PLA2G15: variants seen among roughly 807,000 people sequenced by gnomAD.
The protein encoded by PLA2G15 is lysosomal phospholipase A and acyltransferase.
In PLA2G15, 20 loss-of-function variants were observed where a neutral mutation model predicts 40.9. The observed-to-expected ratio is 0.49, with a 90% confidence interval of 0.34 to 0.71. The LOEUF is 0.71. Ranked by LOEUF, PLA2G15 falls within the 30% of genes least tolerant of loss-of-function variation. The pLI is 0.01. For synonymous variants in PLA2G15, 223 were observed against 228.2 expected, an observed-to-expected ratio of 0.98 and a Z score of 0.21; for missense variants, 471 against 541.9, an observed-to-expected ratio of 0.87 and a Z score of 1.30.
intron 5 of PLA2G15, among the ~76,000 whole-genome samples, chr16:68,257,830 A>G (rs78783407): frequency 6.6e-6 from 1 of 152,048 alleles, no homozygotes. Flanking sequence ...CCCCTTTCAG[A>G]GTTTCTCTGT....
chr16:68,259,235 A>G lies in PLA2G15; in HGVS notation c.817A>G (p.Asn273Asp). ...AVSTSWLLPY[N>D]YTWSPEKVFV... ...CTCCACCAGCTGGCTGCTGCCCTAC[A>G]ACTACACATGGTCACCTGAGAAGGT... Residue 273 changes from asparagine to aspartate, a missense_variant, in exon 6 of 6, where the codon AAC becomes GAC. Physicochemically the swap from Asn to Asp is conservative, Grantham distance 23. Transcript: ENST00000219345. The surrounding 1 kb of genome is among the most constrained non-coding windows in gnomAD (Gnocchi z 6.5). The G allele has an allele frequency of 6.2e-7, 1 of 1,613,930 alleles. No individual in the cohort carries two copies. Among genetic ancestry groups the G allele is most frequent in the Non-Finnish European group, 8.5e-7 (1 of 1,180,030 alleles).
At chr16:68,249,575 C>A in intron 2 of PLA2G15, 129 bp downstream of exon 2, 1 of 793,438 alleles carries the variant, frequency 1.3e-6, no homozygotes, top group Non-Finnish European at 2.0e-6. Flanking sequence ...TCGGTCTGGT[C>A]TGGTCTGGTC....
Position 68,245,394 on chromosome 16 carries a change from T to A in PLA2G15, c.-33T>A. On this transcript the variant is annotated 5_prime_UTR_variant, in exon 1 of 6. Transcript: ENST00000219345. ...AGGCGAGAGCCCAGAGAGCTGAACCTGCATCCCGGACCTGCGGCGACCGTC... is the reference window on the plus strand; with the variant it reads ...AGGCGAGAGCCCAGAGAGCTGAACCAGCATCCCGGACCTGCGGCGACCGTC... 1 of 1,597,620 alleles carries A rather than the reference T, an allele frequency of 6.3e-7. No individual in the cohort carries two copies. Among genetic ancestry groups the A allele is most frequent in the Non-Finnish European group, 8.5e-7 (1 of 1,177,286 alleles).
intron 1 of PLA2G15, 24 bp from the exon 2 acceptor site, chr16:68,249,266 A>T (rs777269479): frequency 1.2e-6 from 2 of 1,611,122 alleles, no homozygotes; most frequent in Non-Finnish European, 1.7e-6. Context: ...CTGAGGGCTC[A>T]CACATGTCCT....
chr16:68,257,439 G>A (rs1259181730), intron 5 of PLA2G15, among the ~76,000 whole-genome samples: 1 of 152,184 alleles, frequency 6.6e-6, no homozygotes. Flanking sequence ...TGCTTGCCTG[G>A]CAATTGGGAA....
Position 68,245,406 on chromosome 16 carries a change from CT to C in PLA2G15, c.-20del, listed in dbSNP as rs371711413. ...AGAGAGCTGAACCTGCATCCCGGAC[CT>C]GCGGCGACCGTCGTACACCATGGGC... On this transcript the variant is annotated 5_prime_UTR_variant, in exon 1 of 6. Coordinates refer to ENST00000219345, the MANE Select transcript of PLA2G15 (RefSeq NM_012320.4). 4 of 1,600,960 alleles carry C rather than the reference CT, an allele frequency of 2.5e-6. No homozygotes were observed. The African/African-American group carries it at 5.3e-5, about 21-fold the overall frequency.
At chr16:68,247,630 G>A (rs2042319937) in intron 1 of PLA2G15, among the ~76,000 whole-genome samples, 1 of 152,210 alleles carries the variant, frequency 6.6e-6, no homozygotes, top group Non-Finnish European at 1.5e-5. Flanking sequence ...GTCATCCAGA[G>A]GCTGTCATGA....
At chr16:68,253,606 C>T (rs916264634) in intron 2 of PLA2G15, 22 of 297,660 alleles carry the variant, frequency 7.4e-5, no homozygotes, top group African/African-American at 3.6e-4. Context: ...AACTCCTAAC[C>T]TCAAGTGATC....
intron 2 of PLA2G15, chr16:68,253,472 C>G (rs1383196472): frequency 2.3e-6 from 1 of 434,844 alleles, no homozygotes; most frequent in Non-Finnish European, 4.6e-6. Context: ...GCCTCCCAGG[C>G]TCAAGCACTT....
In PLA2G15 at chr16:68,249,371, A is replaced by G. The variant is rs749484459; in HGVS notation, c.209A>G (p.Glu70Gly). The G allele has an allele frequency of 6.2e-7, 1 of 1,614,044 alleles. No individual in the cohort carries two copies. Among genetic ancestry groups the G allele is most frequent in the Non-Finnish European group, 8.5e-7 (1 of 1,180,008 alleles). The change falls in exon 2 of 6, where the codon GAA becomes GGA. Residue 70 changes from glutamate to glycine, a missense_variant. Transcript: ENST00000219345. ...VVHYLCSKKT[E>G]SYFTIWLNLE... ...CACTACCTCTGCTCCAAGAAGACCG[A>G]AAGCTACTTCACAATCTGGCTGAAC...
At chr16:68,251,905 C>T (rs1182868867) in intron 2 of PLA2G15, among the ~76,000 whole-genome samples, 1 of 151,856 alleles carries the variant, frequency 6.6e-6, no homozygotes, top group African/African-American at 2.4e-5. Flanking sequence ...GCTAGCTGCT[C>T]CTCCAGGTGC....
Position 68,245,562 on chromosome 16 carries a change from C to T in PLA2G15, c.127+9C>T, listed in dbSNP as rs753730571. 3.8e-5 allele frequency: 59 copies of T among 1,568,164 alleles called. No homozygotes were observed. Among genetic ancestry groups the T allele is most frequent in the African/African-American group, 1.2e-4 (9 of 73,730 alleles). On this transcript the variant is annotated intron_variant, in intron 1 of 5. Transcript: ENST00000219345. ...CCCCCCAGTGGTGCTGGGTGAGGCA[C>T]GGGTCTCGTGGTGGATCTGTCGGTC...
intron 2 of PLA2G15, chr16:68,253,531 T>A: frequency 2.6e-6 from 1 of 383,784 alleles, no homozygotes; most frequent in Non-Finnish European, 5.2e-6. Context: ...CACGTCACCA[T>A]GCCTGGTTAA....
chr16:68,250,482 A>T (rs2151202523), intron 2 of PLA2G15: 1 of 214,158 alleles, frequency 4.7e-6, no homozygotes, highest in Admixed American at 5.9e-5. Context: ...CGTGTTAACC[A>T]GGATGGTCTC....
At chr16:68,251,284 C>T (rs893027197) in intron 2 of PLA2G15, among the ~76,000 whole-genome samples, 7 of 152,122 alleles carry the variant, frequency 4.6e-5, no homozygotes, top group African/African-American at 1.4e-4. Flanking sequence ...GGCTGAGTTC[C>T]GTGAAGGGAG....
In PLA2G15 at chr16:68,255,174, T is replaced by C; in HGVS notation, c.404-108T>C. Reference sequence around the variant, plus strand: ...TGATCAGCGTGGGCACAGAGCCCTGTAGCATTCTTCCAAGGACCTGCTAGC... The same window carrying C: ...TGATCAGCGTGGGCACAGAGCCCTGCAGCATTCTTCCAAGGACCTGCTAGC... On this transcript the variant is annotated intron_variant, in intron 3 of 5. Transcript: ENST00000219345. This position sits in a 1 kb window ranked among gnomAD's most constrained non-coding sequence, Gnocchi z 5.9. 1 of 1,002,096 alleles carries C rather than the reference T, an allele frequency of 1.0e-6. No homozygotes were observed. The highest frequency in any genetic ancestry group is 1.6e-6 in the Non-Finnish European group (1 of 633,802). 62.1% of individuals were successfully genotyped at this position (1,002,096 alleles called of 1,614,324 possible).
At chr16:68,252,292 G>A (rs1401655273) in intron 2 of PLA2G15, among the ~76,000 whole-genome samples, 1 of 152,182 alleles carries the variant, frequency 6.6e-6, no homozygotes, top group Non-Finnish European at 1.5e-5. Flanking sequence ...CAGTTGTGGG[G>A]ATCCTGTCAG....
rs2042398150 is a variant in PLA2G15, at chr16:68,255,950, C to T, written c.687C>T (p.Pro229=). The change falls in exon 5 of 6, where the codon CCC becomes CCT. Residue 229 remains proline, a synonymous_variant. Transcript: ENST00000219345. This position sits in a 1 kb window ranked among gnomAD's most constrained non-coding sequence, Gnocchi z 5.9. The part of the protein sequence containing the change: ...YIRAFVSLGA[P]WGGVAKTLRV... Reference sequence around the variant, plus strand: ...GGGCCTTCGTGTCACTGGGTGCGCCCTGGGGGGGCGTGGCCAAGACCCTGC... The same window carrying T: ...GGGCCTTCGTGTCACTGGGTGCGCCTTGGGGGGGCGTGGCCAAGACCCTGC... 6.2e-7 allele frequency: 1 copy of T among 1,611,924 alleles called. No homozygotes were observed. Among genetic ancestry groups the T allele is most frequent in the African/African-American group, 1.3e-5 (1 of 75,008 alleles).
rs1596952120 is a variant in PLA2G15 at position 68,259,075 on chromosome 16, C to T, written c.728-71C>T. On this transcript the variant is annotated intron_variant, in intron 5 of 5. Transcript: ENST00000219345. The surrounding 1 kb of genome is among the most constrained non-coding windows in gnomAD (Gnocchi z 6.5). ...CCCCTGGCTGGGGTCTGGCAGGGGC[C>T]TGGTGGTGAACATGCTGCCCAACCA... is the stretch of plus-strand genomic sequence containing the variant. 7.2e-7 allele frequency: 1 copy of T among 1,387,464 alleles called. No individual in the cohort carries two copies. The highest frequency in any genetic ancestry group is 9.9e-7 in the Non-Finnish European group (1 of 1,008,190). The allele number at this position is 1,387,464 out of a possible 1,614,324, so 85.9% of individuals were successfully genotyped here.
Sources: allele counts gnomAD v4.1 joint callset (sites outside exome capture counted in the v4.1 genomes callset), GRCh38; gene constraint gnomAD v4.1.1; non-coding constraint Gnocchi (gnomAD v3.1); transcripts MANE v1.5; gene names NCBI Gene and HGNC (gene_info 2026-07-23, HGNC 2026-07-21).